The following CTNND1 variants were observed in gnomAD, a reference collection of about 807,000 sequenced individuals.
CTNND1 encodes the protein catenin delta-1.
In CTNND1, 16 loss-of-function variants were observed where a neutral mutation model predicts 112.1. The observed-to-expected ratio is 0.14, with a 90% confidence interval of 0.10 to 0.22. The LOEUF (loss-of-function observed/expected upper bound fraction) is 0.22. Among genes scored for constraint, CTNND1 ranks in the 10% least tolerant of loss-of-function variants. The pLI, the probability that CTNND1 is intolerant of heterozygous loss-of-function variation, is 1.00. For synonymous variants in CTNND1, 420 were observed against 446.5 expected (o/e 0.94, Z 0.75); for missense variants, 1,008 against 1,257.0 (o/e 0.80, Z 3.00).
chr11:57,765,071 G>A (rs1216850398), intron 1 of CTNND1, among the ~76,000 whole-genome samples: 1 of 152,182 alleles, frequency 6.6e-6, no homozygotes, highest in Admixed American at 6.6e-5. Flanking sequence ...TCCTGGAATT[G>A]TGTCACACGT....
At chr11:57,765,758 A>G (rs1950910112) in intron 1 of CTNND1, among the ~76,000 whole-genome samples, 1 of 152,078 alleles carries the variant, frequency 6.6e-6, no homozygotes, top group Non-Finnish European at 1.5e-5. Flanking sequence ...GTGCCCCACC[A>G]CACCTGGCCC....
chr11:57,799,135 G>A (rs1049315193), intron 6 of CTNND1, among the ~76,000 whole-genome samples: 2 of 152,196 alleles, frequency 1.3e-5, no homozygotes, highest in Non-Finnish European at 2.9e-5. Flanking sequence ...CTAAGACTGA[G>A]TCACTCACCT....
chr11:57,804,695 G>T lies in CTNND1; in HGVS notation c.1637G>T (p.Arg546Leu). 1 of 1,613,796 alleles carries T rather than the reference G, an allele frequency of 6.2e-7. No individual in the cohort carries two copies. The highest frequency in any genetic ancestry group is 8.5e-7 in the Non-Finnish European group (1 of 1,179,790). Residue 546 changes from arginine to leucine, a missense_variant, in exon 9 of 21, where the codon CGG becomes CTG. By Grantham distance (102) the Arg-to-Leu change is moderately radical. Around this residue, in one of 5 missense-constraint regions of CTNND1, gnomAD observed 216 missense variants for 342.8 expected, o/e 0.63. Coordinates refer to ENST00000399050, the MANE Select transcript of CTNND1 (RefSeq NM_001085458.2). Reference protein sequence around the residue: ...NVSSERSEARRKLRECDGLVD... With the variant: ...NVSSERSEARLKLRECDGLVD... The stretch of plus-strand genomic sequence containing the variant: ...AGCTCAGAGAGGAGTGAAGCTCGCC[G>T]GAAACTTCGGGAATGTGATGGTTTA...
At chr11:57,813,355 T>C (rs1172103217) in intron 17 of CTNND1, among the ~76,000 whole-genome samples, 2 of 152,292 alleles carry the variant, frequency 1.3e-5, no homozygotes, top group African/African-American at 4.8e-5. Context: ...GAAAAAAGAC[T>C]TTTCTAATGA....
intron 4 of CTNND1, among the ~76,000 whole-genome samples, chr11:57,795,178 A>C (rs548099538): frequency 6.6e-6 from 1 of 152,204 alleles, no homozygotes; most frequent in Non-Finnish European, 1.5e-5. Context: ...TGGGTGATAG[A>C]GTGAGACCCT....
Position 57,804,655 on chromosome 11 carries a change from C to T in CTNND1, c.1605-8C>T, listed in dbSNP as rs1464594294. On this transcript the variant is annotated splice_polypyrimidine_tract_variant and splice_region_variant and intron_variant, in intron 8 of 20. Coordinates refer to ENST00000399050, the MANE Select transcript of CTNND1 (RefSeq NM_001085458.2). ...TGAGTCATCTTGAAGCTTCTGGTTTCCCCTCAGGAATGTAAGCTCAGAGAG... is the reference window on the plus strand; with the variant it reads ...TGAGTCATCTTGAAGCTTCTGGTTTTCCCTCAGGAATGTAAGCTCAGAGAG... 12 of 1,610,020 alleles carry T rather than the reference C, an allele frequency of 7.5e-6. No individual in the cohort carries two copies. Among genetic ancestry groups the T allele is most frequent in the African/African-American group, 1.3e-5 (1 of 74,844 alleles).
intron 12 of CTNND1, 33 bp downstream of exon 12, chr11:57,807,016 T>C: frequency 1.3e-6 from 2 of 1,493,288 alleles, no homozygotes; most frequent in Non-Finnish European, 1.8e-6. Context: ...AAAGGTCTCA[T>C]AAACATAGTA....
At chr11:57,787,237 C>G (rs2060236851) in intron 1 of CTNND1, among the ~76,000 whole-genome samples, 1 of 152,186 alleles carries the variant, frequency 6.6e-6, no homozygotes, top group Non-Finnish European at 1.5e-5. Flanking sequence ...GTGATGACTT[C>G]CAGGCACTAG....
At chr11:57,764,831 C>A (rs1591079158) in intron 1 of CTNND1, among the ~76,000 whole-genome samples, 1 of 152,238 alleles carries the variant, frequency 6.6e-6, no homozygotes, top group Non-Finnish European at 1.5e-5. Flanking sequence ...CTAAAACGAG[C>A]CCTTGCTAGA....
intron 2 of CTNND1, among the ~76,000 whole-genome samples, chr11:57,790,910 T>C (rs1342829742): frequency 1.3e-5 from 2 of 152,114 alleles, no homozygotes; most frequent in African/African-American, 4.8e-5. Context: ...TTTTTTTTAA[T>C]TTGCTGCCAC....
At chr11:57,795,516 G>T in intron 4 of CTNND1, 61 bp from the exon 5 acceptor site, 1 of 1,528,918 alleles carries the variant, frequency 6.5e-7, no homozygotes, top group Non-Finnish European at 8.8e-7. Flanking sequence ...CTTCTTATTA[G>T]GATGGCTTGT....
intron 3 of CTNND1, among the ~76,000 whole-genome samples, chr11:57,793,748 C>T (rs2061026516): frequency 6.6e-6 from 1 of 152,146 alleles, no homozygotes; most frequent in South Asian, 2.1e-4. Context: ...AAACTTATCC[C>T]AAAAAACCCT....
In CTNND1 at chr11:57,791,616, C is replaced by T. The variant is rs757262056; in HGVS notation, c.138C>T (p.Val46=). 2.5e-6 allele frequency: 4 copies of T among 1,606,968 alleles called. No homozygotes were observed. In the East Asian group the frequency reaches 9.0e-5, roughly 36 times the overall value. The change falls in exon 3 of 21, where the codon GTC becomes GTT. Residue 46 remains valine (V), a synonymous_variant. Coordinates refer to ENST00000399050, the MANE Select transcript of CTNND1 (RefSeq NM_001085458.2). ...CGGCGCAGCTGGAACGCGTCCGGGTCTCACCACAAGATGCCAACCCACTCA... is the reference window on the plus strand; with the variant it reads ...CGGCGCAGCTGGAACGCGTCCGGGTTTCACCACAAGATGCCAACCCACTCA... ...HVSAQLERVR[V]SPQDANPLMA...
At position 57,803,672 on chromosome 11, in the gene CTNND1, A is replaced by C. The variant is rs1243805687; in HGVS notation, c.1472A>C (p.Asp491Ala). ...SHDSIKMEIVDHALHALTDEV... is the reference protein window; with the variant it reads ...SHDSIKMEIVAHALHALTDEV... ...GACTCAATCAAAATGGAGATTGTGG[A>C]CCATGCACTGCATGCCTTGACAGAT... The change falls in exon 8 of 21, where the codon GAC (aspartate) becomes GCC (alanine). Residue 491 changes from aspartate (D) to alanine (A), a missense_variant. By Grantham distance (126) the Asp-to-Ala change is moderately radical. This residue lies in a region of CTNND1 where 216 missense variants were observed against 342.8 expected (regional missense o/e 0.63). Transcript: ENST00000399050. 5 of 1,613,708 alleles carry C rather than the reference A, an allele frequency of 3.1e-6. No individual in the cohort carries two copies. The highest frequency in any genetic ancestry group is 4.2e-6 in the Non-Finnish European group (5 of 1,179,814).
chr11:57,813,571 A>T (rs2063615742), intron 17 of CTNND1, among the ~76,000 whole-genome samples: 1 of 152,344 alleles, frequency 6.6e-6, no homozygotes, highest in South Asian at 2.1e-4. Flanking sequence ...TGTTAATTAT[A>T]GATTCCACAT....
At chr11:57,787,827 G>A (rs2060291614) in intron 1 of CTNND1, among the ~76,000 whole-genome samples, 2 of 152,350 alleles carry the variant, frequency 1.3e-5, no homozygotes, top group South Asian at 4.1e-4. Flanking sequence ...CAGGTGGTCA[G>A]CTTTAAAGCT....
At chr11:57,797,863 AC>A (rs2061539333) in intron 6 of CTNND1, among the ~76,000 whole-genome samples, 2 of 149,702 alleles carry the variant, frequency 1.3e-5, no homozygotes, top group African/African-American at 4.9e-5. Flanking sequence ...AAAAAAAAAA[AC>A]AACTTGTGAT....
chr11:57,781,310 CT>C (rs1319447988), intron 1 of CTNND1, among the ~76,000 whole-genome samples: 4 of 152,090 alleles, frequency 2.6e-5, no homozygotes. Context: ...TAAGGTTAAG[CT>C]TTTCCATGAA....
At chr11:57,798,506 A>G (rs2061626718) in intron 6 of CTNND1, among the ~76,000 whole-genome samples, 1 of 152,116 alleles carries the variant, frequency 6.6e-6, no homozygotes, top group South Asian at 2.1e-4. Flanking sequence ...GGGCCTTGAC[A>G]TTCTATGCTT....
Sources: allele counts gnomAD v4.1 joint callset (sites outside exome capture counted in the v4.1 genomes callset), GRCh38; gene constraint gnomAD v4.1.1; regional missense constraint gnomAD v4.1.1; transcripts MANE v1.5; gene names NCBI Gene and HGNC (gene_info 2026-07-23, HGNC 2026-07-21).